The following PKHD1 variants were observed in gnomAD, a reference collection of about 807,000 sequenced individuals.
The protein encoded by PKHD1 is fibrocystin.
PKHD1 carries 291 observed loss-of-function variants against 412.0 expected under a neutral mutation model. The ratio of observed to expected loss-of-function variants is 0.71; its 90% CI spans 0.64 to 0.78. The LOEUF (loss-of-function observed/expected upper bound fraction) is 0.78. Among genes scored for constraint, PKHD1 ranks in the 30% least tolerant of loss-of-function variants. The probability of loss-of-function intolerance (pLI) is 0.00; values close to 1 mark genes in which losing one functional copy is unlikely to be tolerated. For synonymous variants in PKHD1, 1,777 were observed against 1,821.5 expected, an observed-to-expected ratio of 0.98 and a Z score of 0.62; for missense variants, 4,825 against 4,950.7, an observed-to-expected ratio of 0.97 and a Z score of 0.76.
chr6:51,954,969 T>C (rs568231299), intron 36 of PKHD1, among the ~76,000 whole-genome samples: 23 of 152,228 alleles, frequency 1.5e-4, no homozygotes, highest in African/African-American at 5.5e-4. Context: ...CAGAATGCTC[T>C]GACAAGAGGG....
chr6:51,680,711 C>T (rs1776533461), intron 60 of PKHD1, among the ~76,000 whole-genome samples: 1 of 151,998 alleles, frequency 6.6e-6, no homozygotes, highest in South Asian at 2.1e-4. Context: ...TTCCCAGTGT[C>T]TTTATTTTAA....
intron 39 of PKHD1, 122 bp from the exon 40 acceptor site, chr6:51,909,596 T>A: frequency 1.3e-6 from 1 of 746,232 alleles, no homozygotes; most frequent in Non-Finnish European, 2.4e-6. Flanking sequence ...TTTCATTTAA[T>A]AATCTTATTT....
chr6:51,939,602 G>C (rs1788137142), intron 36 of PKHD1, among the ~76,000 whole-genome samples: 1 of 151,542 alleles, frequency 6.6e-6, no homozygotes, highest in East Asian at 1.9e-4. Context: ...ACAAGATCTA[G>C]ATAATTCTTA....
chr6:51,715,788 G>A (rs1781185226), intron 60 of PKHD1, among the ~76,000 whole-genome samples: 1 of 152,150 alleles, frequency 6.6e-6, no homozygotes. Context: ...CTACACAGAG[G>A]AGCTGTTTGT....
intron 15 of PKHD1, among the ~76,000 whole-genome samples, chr6:52,059,259 C>CTTTTTTT (rs55992586): frequency 0.04 from 3,376 of 83,446 alleles, 17 homozygotes; most frequent in Non-Finnish European, 0.052. Flanking sequence ...TTTTCTTTTT[C>CTTTTTTT]TTTTTTTTTT....
chr6:51,852,552 C>G (rs907369119), intron 49 of PKHD1, among the ~76,000 whole-genome samples: 3 of 152,142 alleles, frequency 2.0e-5, no homozygotes, highest in Admixed American at 1.3e-4. Context: ...CTTTGTAGGT[C>G]TCTAAGAACT....
At chr6:51,676,801 T>A (rs1775921901) in intron 60 of PKHD1, among the ~76,000 whole-genome samples, 1 of 152,186 alleles carries the variant, frequency 6.6e-6, no homozygotes, top group Non-Finnish European at 1.5e-5. Flanking sequence ...AGAAAATATG[T>A]TTTGGTCATA....
intron 16 of PKHD1, 60 bp from the exon 17 acceptor site, chr6:52,057,039 C>T: frequency 2.8e-6 from 3 of 1,089,730 alleles, no homozygotes; most frequent in Non-Finnish European, 1.4e-6. Flanking sequence ...GAGAGACAAT[C>T]TAAGAACACA....
chr6:51,721,443 G>T lies in PKHD1; in HGVS notation c.10156+22942C>A, dbSNP rs146736324. ...ATAATATCTCAATATAATTGGTAAA[G>T]AAGAGAGAAATAAAATAAGGCTTCT... is the stretch of plus-strand genomic sequence containing the variant. On this transcript the variant is annotated intron_variant, in intron 60 of 66. Transcript: ENST00000371117. The T allele has an allele frequency of 7.9e-5, 55 of 694,742 alleles. 1 individual carries two copies. In the East Asian group the frequency reaches 6.0e-3, roughly 76 times the overall value. 43.0% of individuals were successfully genotyped at this position (694,742 alleles called of 1,614,324 possible).
At chr6:51,740,134 G>T (rs572635466) in intron 60 of PKHD1, 6 of 446,344 alleles carry the variant, frequency 1.3e-5, no homozygotes, top group Non-Finnish European at 2.3e-5. Context: ...GAGCTGTCTT[G>T]CTCTCTACTG....
At chr6:51,679,166 T>G (rs1222112632) in intron 60 of PKHD1, among the ~76,000 whole-genome samples, 1 of 152,050 alleles carries the variant, frequency 6.6e-6, no homozygotes, top group Non-Finnish European at 1.5e-5. Context: ...CAGTGGAGAA[T>G]TTTTTTCCCT....
At chr6:51,952,267 C>T (rs1292356743) in intron 36 of PKHD1, among the ~76,000 whole-genome samples, 3 of 152,164 alleles carry the variant, frequency 2.0e-5, no homozygotes, top group Non-Finnish European at 4.4e-5. Flanking sequence ...TCCTGATACA[C>T]AAATAGTAAA....
At chr6:51,767,709 A>G (rs1041377713) in intron 55 of PKHD1, among the ~76,000 whole-genome samples, 1 of 151,980 alleles carries the variant, frequency 6.6e-6, no homozygotes, top group Non-Finnish European at 1.5e-5. Flanking sequence ...CTTAATCCAG[A>G]CTATCGTTGT....
intron 35 of PKHD1, among the ~76,000 whole-genome samples, chr6:51,978,509 A>G (rs1794742130): frequency 6.6e-6 from 1 of 152,178 alleles, no homozygotes; most frequent in Non-Finnish European, 1.5e-5. Flanking sequence ...GCTGTGAGGG[A>G]AGAAGAAACT....
At chr6:51,992,527 G>A (rs962793480) in intron 35 of PKHD1, among the ~76,000 whole-genome samples, 3 of 152,186 alleles carry the variant, frequency 2.0e-5, no homozygotes, top group African/African-American at 7.2e-5. Flanking sequence ...GAGTTTAAAC[G>A]CTGGCATGGC....
intron 35 of PKHD1, among the ~76,000 whole-genome samples, chr6:51,972,846 G>A (rs571954384): frequency 1.4e-4 from 22 of 152,270 alleles, no homozygotes; most frequent in South Asian, 6.2e-4. Context: ...AGGTTAAAAC[G>A]TAGAGATAAT....
Position 51,904,050 on chromosome 6 carries a change from C to G in PKHD1, c.6809-8G>C, listed in dbSNP as rs1436176425. On this transcript the variant is annotated splice_polypyrimidine_tract_variant and splice_region_variant and intron_variant, in intron 41 of 66. Transcript: ENST00000371117. Reference sequence around the variant, plus strand: ...TCATCTCCGTGCATGTCCCTGAGAACAAAAGACCCCATTACTTGAGTATAT... The same window carrying G: ...TCATCTCCGTGCATGTCCCTGAGAAGAAAAGACCCCATTACTTGAGTATAT... 9 of 1,570,198 alleles carry G rather than the reference C, an allele frequency of 5.7e-6. No individual in the cohort carries two copies. In the East Asian group the frequency reaches 2.0e-4, roughly 35 times the overall value.
chr6:51,691,030 T>C (rs1000906679), intron 60 of PKHD1, among the ~76,000 whole-genome samples: 4 of 152,078 alleles, frequency 2.6e-5, no homozygotes, highest in Non-Finnish European at 5.9e-5. Flanking sequence ...AAGACATACA[T>C]GCAGCCAACA....
At position 51,895,852 on chromosome 6, in the gene PKHD1, C is replaced by T. The variant is rs548403937; in HGVS notation, c.6996+7745G>A. Among the ~76,000 whole-genome samples the T allele has an allele frequency of 1.4e-3, 209 of 152,114 alleles. 2 individuals carry two copies. The highest frequency in any genetic ancestry group is 4.7e-3 in the African/African-American group (196 of 41,498). ...AAGCAGGGTGAGGCATTGCCTCACT[C>T]GGGAAGCTCAAGGGGTCAGGGAGTT... On this transcript the variant is annotated intron_variant, in intron 43 of 66. Coordinates refer to ENST00000371117, the MANE Select transcript of PKHD1 (RefSeq NM_138694.4).
Sources: allele counts gnomAD v4.1 joint callset (sites outside exome capture counted in the v4.1 genomes callset), GRCh38; gene constraint gnomAD v4.1.1; transcripts MANE v1.5; gene names NCBI Gene and HGNC (gene_info 2026-07-23, HGNC 2026-07-21).